NCBP3: variants seen among roughly 807,000 people sequenced by gnomAD.
NCBP3 encodes nuclear cap-binding protein subunit 3.
In NCBP3, 20 loss-of-function variants were observed where a neutral mutation model predicts 75.7. That is an observed-to-expected ratio of 0.26 (90% CI 0.19 to 0.38). The LOEUF (loss-of-function observed/expected upper bound fraction) is 0.38, where lower values mean the gene tolerates loss of function less well. Among genes scored for constraint, NCBP3 ranks in the 10% least tolerant of loss-of-function variants. The pLI is 1.00. For missense variants in NCBP3, 678 were observed against 796.9 expected, an observed-to-expected ratio of 0.85 and a Z score of 1.80; for synonymous variants, 293 against 290.5, an observed-to-expected ratio of 1.01 and a Z score of -0.09.
chr17:3,838,252 G>T (rs1049935286), intron 3 of NCBP3, among the ~76,000 whole-genome samples: 1 of 152,198 alleles, frequency 6.6e-6, no homozygotes, highest in African/African-American at 2.4e-5. Context: ...ACAAGGAAGG[G>T]CAAATGCACA....
In NCBP3 at chr17:3,818,483, C is replaced by G. The variant is rs2053594738; in HGVS notation, c.1090G>C (p.Asp364His). ...EEEEEEDQDM[D>H]ADDRVVVEYH... ...TCTACCACCACTCTGTCATCTGCAT[C>G]CATGTCCTGGTCTTCTTCTTCCTCT... Residue 364 changes from aspartate (D) to histidine (H), a missense_variant, in exon 10 of 13, where the codon GAT becomes CAT. Physicochemically the swap from Asp to His is moderately conservative, Grantham distance 81. Transcript: ENST00000389005. The surrounding 1 kb of genome is among the most constrained non-coding windows in gnomAD (Gnocchi z 4.7). 6.2e-7 allele frequency: 1 copy of G among 1,613,958 alleles called. No individual in the cohort carries two copies. Among genetic ancestry groups the G allele is most frequent in the Non-Finnish European group, 8.5e-7 (1 of 1,180,030 alleles).
chr17:3,845,277 G>C (rs2054141519), intron 1 of NCBP3, among the ~76,000 whole-genome samples: 1 of 152,104 alleles, frequency 6.6e-6, no homozygotes, highest in South Asian at 2.1e-4. Context: ...TAAATATGTT[G>C]ACATGTGGTC....
At chr17:3,825,671 G>C (rs1190199396) in intron 6 of NCBP3, 96 bp downstream of exon 6, 25 of 849,856 alleles carry the variant, frequency 2.9e-5, no homozygotes, top group Non-Finnish European at 4.1e-5. Flanking sequence ...GTGAAAGCTA[G>C]AGAAAAAACG....
rs1330193256 is a variant in NCBP3 at position 3,808,721 on chromosome 17, G to C, written c.*4323C>G. On this transcript the variant is annotated 3_prime_UTR_variant, in exon 13 of 13. Coordinates refer to ENST00000389005, the MANE Select transcript of NCBP3 (RefSeq NM_001114118.3). ...GCCTCATAACATGCTATCAAAAAGG[G>C]TGGAATTTATGTATGTATGTATTTT... The C allele has an allele frequency of 2.0e-5, 3 of 152,184 alleles. No homozygotes were observed. The highest frequency in any genetic ancestry group is 4.8e-5 in the African/African-American group (2 of 41,418). 9.4% of individuals were successfully genotyped at this position (152,184 alleles called of 1,614,324 possible). A position where few individuals can be genotyped will look rare whatever the true frequency, so the allele number is the denominator to read the frequency against.
At chr17:3,821,903 A>C (rs376498238) in intron 8 of NCBP3, 50 bp downstream of exon 8, 53 of 1,179,986 alleles carry the variant, frequency 4.5e-5, no homozygotes, top group South Asian at 1.5e-4. Flanking sequence ...TACCAACTGA[A>C]GGATTAAGAA....
chr17:3,826,160 G>A lies in NCBP3; in HGVS notation c.537C>T (p.Ser179=), dbSNP rs934177914. 25 of 1,551,580 alleles carry A rather than the reference G, an allele frequency of 1.6e-5. No homozygotes were observed. In the African/African-American group the frequency reaches 2.1e-4, roughly 13 times the overall value. The change falls in exon 5 of 13, where the codon AGC becomes AGT. Residue 179 remains serine, a synonymous_variant. Transcript: ENST00000389005. ...TGATCTTATCCTGTGCAGGCAGGGA[G>A]CTCATATTGATAAGTGCTCGTGTGG... ...MTATRALINM[S]SLPAQDKIRS...
At chr17:3,834,236 T>G (rs929160399) in intron 3 of NCBP3, among the ~76,000 whole-genome samples, 1 of 152,180 alleles carries the variant, frequency 6.6e-6, no homozygotes, top group African/African-American at 2.4e-5. Context: ...ATGGAAATGC[T>G]GACCATAGAC....
intron 7 of NCBP3, among the ~76,000 whole-genome samples, chr17:3,823,261 G>A (rs1325999299): frequency 6.6e-6 from 1 of 152,090 alleles, no homozygotes; most frequent in African/African-American, 2.4e-5. Context: ...CAGGGAGGCA[G>A]AGGTTGCAGG....
At chr17:3,843,675 T>G (rs1178717765) in intron 1 of NCBP3, among the ~76,000 whole-genome samples, 1 of 152,160 alleles carries the variant, frequency 6.6e-6, no homozygotes, top group Non-Finnish European at 1.5e-5. Flanking sequence ...GCCTCCTGAG[T>G]AGCTGGGATT....
At chr17:3,816,581 G>A (rs2053537115) in intron 10 of NCBP3, among the ~76,000 whole-genome samples, 1 of 152,230 alleles carries the variant, frequency 6.6e-6, no homozygotes, top group Admixed American at 6.5e-5. Flanking sequence ...CAAAGAGATT[G>A]GGGCTTCCAC....
intron 7 of NCBP3, chr17:3,824,701 A>G (rs977251712): frequency 3.9e-6 from 1 of 259,332 alleles, no homozygotes; most frequent in Non-Finnish European, 7.3e-6. Context: ...GAGGCAAACC[A>G]GTTTCAACAG....
At chr17:3,825,174 C>T (rs755531044) in intron 6 of NCBP3, 124 bp from the exon 7 acceptor site, 7 of 537,962 alleles carry the variant, frequency 1.3e-5, no homozygotes, top group East Asian at 3.2e-5. Flanking sequence ...GCACTAGTTC[C>T]GCTGTAGAAT....
At position 3,806,761 on chromosome 17, in the gene NCBP3, A is replaced by G. The variant is rs2053341191; in HGVS notation, c.*6283T>C. 6.6e-6 allele frequency: 1 copy of G among 150,770 alleles called. No homozygotes were observed. The highest frequency in any genetic ancestry group is 1.5e-5 in the Non-Finnish European group (1 of 67,826). The allele number at this position is 150,770 out of a possible 1,614,324, so 9.3% of individuals were successfully genotyped here. A position where few individuals can be genotyped will look rare whatever the true frequency, so the allele number is the denominator to read the frequency against. ...AAAGCTACAATATTTTTCTTCTAAG[A>G]TTTATTTTATAAACATGTAAGAAAA... On this transcript the variant is annotated 3_prime_UTR_variant, in exon 13 of 13. Coordinates refer to ENST00000389005, the MANE Select transcript of NCBP3 (RefSeq NM_001114118.3).
chr17:3,832,371 C>T lies in NCBP3; in HGVS notation c.356-3003G>A, dbSNP rs556385228. Among the ~76,000 whole-genome samples the T allele has an allele frequency of 1.2e-4, 14 of 119,888 alleles. 3 individuals are homozygous for T. The highest frequency in any genetic ancestry group is 1.7e-4 in the Admixed American group (2 of 11,944). 78.7% of individuals were successfully genotyped at this position (119,888 alleles called of 152,430 possible). A position where few individuals can be genotyped will look rare whatever the true frequency, so the allele number is the denominator to read the frequency against. On this transcript the variant is annotated intron_variant, in intron 3 of 12. Coordinates refer to ENST00000389005, the MANE Select transcript of NCBP3 (RefSeq NM_001114118.3). ...TTTAATGGGCAGGCGCGGTGGCTCA[C>T]GCCTGTAATCCCAGCACTTTGGGAG...
chr17:3,816,607 T>C (rs988018796), intron 10 of NCBP3, among the ~76,000 whole-genome samples: 13 of 152,236 alleles, frequency 8.5e-5, no homozygotes, highest in Admixed American at 3.9e-4. Flanking sequence ...CATGCTGTGA[T>C]GTGGCTGTAG....
rs1327641904 is a variant in NCBP3, at chr17:3,808,876, T to C, written c.*4168A>G. The C allele has an allele frequency of 6.6e-6, 1 of 152,094 alleles. No homozygotes were observed. Among genetic ancestry groups the C allele is most frequent in the Non-Finnish European group, 1.5e-5 (1 of 68,024 alleles). 9.4% of individuals were successfully genotyped at this position (152,094 alleles called of 1,614,324 possible). On this transcript the variant is annotated 3_prime_UTR_variant, in exon 13 of 13. Coordinates refer to ENST00000389005, the MANE Select transcript of NCBP3 (RefSeq NM_001114118.3). The stretch of plus-strand genomic sequence containing the variant: ...TATTCTCGGGGCAATAGTGAAGCTT[T>C]GGAAAACGTTCAAGCAGAGGAATAA...
At chr17:3,834,203 C>T (rs1219133245) in intron 3 of NCBP3, among the ~76,000 whole-genome samples, 2 of 152,088 alleles carry the variant, frequency 1.3e-5, no homozygotes, top group Non-Finnish European at 2.9e-5. Flanking sequence ...ATCTGAACGA[C>T]TAATGCCAGT....
rs1371674453 is a variant in NCBP3, at chr17:3,807,352, C to T, written c.*5692G>A. On this transcript the variant is annotated 3_prime_UTR_variant, in exon 13 of 13. Transcript: ENST00000389005. ...TTAGAGAGCTGGTAAGCTTCAGCTCCGACATGGCCAGATCATCAAAATTTG... is the reference window on the plus strand; with the variant it reads ...TTAGAGAGCTGGTAAGCTTCAGCTCTGACATGGCCAGATCATCAAAATTTG... The T allele has an allele frequency of 1.3e-5, 2 of 152,164 alleles. No homozygotes were observed. The highest frequency in any genetic ancestry group is 3.9e-4 in the East Asian group (2 of 5,192). The allele number at this position is 152,164 out of a possible 1,614,324, so 9.4% of individuals were successfully genotyped here.
intron 9 of NCBP3, 85 bp downstream of exon 9, chr17:3,821,164 G>A: frequency 1.0e-6 from 1 of 964,330 alleles, no homozygotes; most frequent in South Asian, 1.3e-5. Context: ...GATAAAGTTT[G>A]GAACCTTAAA....
Sources: allele counts gnomAD v4.1 joint callset (sites outside exome capture counted in the v4.1 genomes callset), GRCh38; gene constraint gnomAD v4.1.1; non-coding constraint Gnocchi (gnomAD v3.1); transcripts MANE v1.5; gene names NCBI Gene and HGNC (gene_info 2026-07-23, HGNC 2026-07-21).